The following NXPH1 variants were observed in gnomAD, a reference collection of about 807,000 sequenced individuals.
The protein encoded by NXPH1 is neurexophilin-1.
Under a neutral mutation model 23.7 loss-of-function variants are expected in NXPH1, and 5 were observed. That is an observed-to-expected ratio of 0.21 (90% confidence interval 0.11 to 0.44). The LOEUF (loss-of-function observed/expected upper bound fraction) is 0.44. Ranked by LOEUF, NXPH1 falls within the 20% of genes least tolerant of loss-of-function variation. The pLI is 0.99. For synonymous variants in NXPH1, 144 were observed against 122.2 expected (o/e 1.18, Z -1.18); for missense variants, 324 against 321.6 (o/e 1.01, Z -0.06).
intron 2 of NXPH1, among the ~76,000 whole-genome samples, chr7:8,630,448 G>A (rs1820103364): frequency 6.6e-6 from 1 of 152,180 alleles, no homozygotes; most frequent in South Asian, 2.1e-4. Context: ...TCCCACCAGT[G>A]CTCCCCATGC....
chr7:8,710,678 C>T (rs1277579511), intron 2 of NXPH1, among the ~76,000 whole-genome samples: 1 of 71,170 alleles, frequency 1.4e-5, no homozygotes, highest in African/African-American at 9.1e-5. Context: ...TTTTTTGAGA[C>T]GGAGTCTCGC....
Position 8,507,427 on chromosome 7 carries a change from C to A in NXPH1, c.54+71660C>A, listed in dbSNP as rs1010004376. On this transcript the variant is annotated intron_variant, in intron 2 of 2. Transcript: ENST00000405863. ...GTCATTGAAGCATCCTAGTGAACAT[C>A]TTAAGCTGTAATGAGCTATACTATT... Among the ~76,000 whole-genome samples, 11 of 151,904 alleles carry A rather than the reference C, an allele frequency of 7.2e-5. No individual in the cohort carries two copies. The East Asian group carries it at 2.1e-3, about 29-fold the overall frequency.
intron 2 of NXPH1, among the ~76,000 whole-genome samples, chr7:8,498,327 G>C (rs913900010): frequency 6.6e-6 from 1 of 152,076 alleles, no homozygotes; most frequent in African/African-American, 2.4e-5. Flanking sequence ...GGTAAAATCA[G>C]TGCTGAATGC....
chr7:8,635,990 C>A lies in NXPH1; in HGVS notation c.55-115018C>A, dbSNP rs148937985. On this transcript the variant is annotated intron_variant, in intron 2 of 2. Coordinates refer to ENST00000405863, the MANE Select transcript of NXPH1 (RefSeq NM_152745.3). ...CTTAAAGGTAATGTCTTTCACTACA[C>A]CCACTGAAGGTCACTTTATCTATCC... Among the ~76,000 whole-genome samples, 19 of 152,284 alleles carry A rather than the reference C, an allele frequency of 1.2e-4. No homozygotes were observed. In the East Asian group the frequency reaches 3.7e-3, roughly 29 times the overall value.
At chr7:8,540,059 C>G (rs928530784) in intron 2 of NXPH1, among the ~76,000 whole-genome samples, 16 of 151,778 alleles carry the variant, frequency 1.1e-4, no homozygotes, top group African/African-American at 3.9e-4. Context: ...ATATGAAATT[C>G]TATTACACGC....
At chr7:8,496,669 T>G (rs1197813954) in intron 2 of NXPH1, among the ~76,000 whole-genome samples, 1 of 152,062 alleles carries the variant, frequency 6.6e-6, no homozygotes, top group African/African-American at 2.4e-5. Context: ...ATCCCAGAAC[T>G]CAGGGAGAGG....
intron 2 of NXPH1, among the ~76,000 whole-genome samples, chr7:8,578,669 C>T (rs192918150): frequency 2.6e-5 from 4 of 152,216 alleles, no homozygotes; most frequent in East Asian, 1.9e-4. Flanking sequence ...GAAATAAAGA[C>T]GGACAAAGTC....
At chr7:8,464,519 C>T (rs770060779) in intron 2 of NXPH1, among the ~76,000 whole-genome samples, 1 of 152,090 alleles carries the variant, frequency 6.6e-6, no homozygotes, top group Non-Finnish European at 1.5e-5. Context: ...TTTAACCATC[C>T]TAATCAATCT....
intron 2 of NXPH1, among the ~76,000 whole-genome samples, chr7:8,708,538 T>A (rs1779738354): frequency 6.6e-6 from 1 of 151,982 alleles, no homozygotes; most frequent in South Asian, 2.1e-4. Flanking sequence ...TTTTTTGTAT[T>A]TTTAGTAGAG....
chr7:8,664,385 C>T (rs1820728157), intron 2 of NXPH1, among the ~76,000 whole-genome samples: 1 of 152,064 alleles, frequency 6.6e-6, no homozygotes, highest in South Asian at 2.1e-4. Context: ...ACTACCTAAC[C>T]TCTTACAGTT....
At chr7:8,494,738 T>G (rs1321952297) in intron 2 of NXPH1, among the ~76,000 whole-genome samples, 1 of 152,106 alleles carries the variant, frequency 6.6e-6, no homozygotes, top group African/African-American at 2.4e-5. Flanking sequence ...ACTGCATTAA[T>G]TGTTCTTATT....
At chr7:8,478,846 A>C (rs1256026021) in intron 2 of NXPH1, among the ~76,000 whole-genome samples, 1 of 151,124 alleles carries the variant, frequency 6.6e-6, no homozygotes, top group African/African-American at 2.5e-5. Context: ...TAACATACTT[A>C]AGAAATTCAA....
intron 2 of NXPH1, among the ~76,000 whole-genome samples, chr7:8,548,573 C>T (rs1166623965): frequency 6.6e-6 from 1 of 151,414 alleles, no homozygotes; most frequent in African/African-American, 2.4e-5. Context: ...GCGAGACTGC[C>T]TAATGTGCCA....
At chr7:8,583,380 C>G (rs1216255932) in intron 2 of NXPH1, among the ~76,000 whole-genome samples, 1 of 152,190 alleles carries the variant, frequency 6.6e-6, no homozygotes, top group African/African-American at 2.4e-5. Context: ...CATGGCCTCT[C>G]TATGCCTCAG....
chr7:8,509,925 G>T (rs1169900107), intron 2 of NXPH1, among the ~76,000 whole-genome samples: 1 of 152,108 alleles, frequency 6.6e-6, no homozygotes, highest in Non-Finnish European at 1.5e-5. Flanking sequence ...CTTAATGACA[G>T]CTCTTTTAAA....
chr7:8,594,022 C>T (rs1350611377), intron 2 of NXPH1, among the ~76,000 whole-genome samples: 1 of 151,928 alleles, frequency 6.6e-6, no homozygotes, highest in Non-Finnish European at 1.5e-5. Flanking sequence ...GGTATGATAG[C>T]AACAAATTTT....
At chr7:8,571,209 C>T (rs1235705512) in intron 2 of NXPH1, among the ~76,000 whole-genome samples, 1 of 151,688 alleles carries the variant, frequency 6.6e-6, no homozygotes, top group Admixed American at 6.6e-5. Context: ...TTGACAATGT[C>T]ATAGGAGAGT....
intron 2 of NXPH1, among the ~76,000 whole-genome samples, chr7:8,499,680 G>A (rs1817398578): frequency 6.6e-6 from 1 of 152,072 alleles, no homozygotes; most frequent in Admixed American, 6.6e-5. Flanking sequence ...AACTCACCAA[G>A]TCAGAACAAC....
At chr7:8,567,051 A>G (rs1818560140) in intron 2 of NXPH1, among the ~76,000 whole-genome samples, 1 of 151,806 alleles carries the variant, frequency 6.6e-6, no homozygotes, top group African/African-American at 2.4e-5. Context: ...TCACACATAC[A>G]CATCTGTGAT....
Sources: allele counts gnomAD v4.1 joint callset (sites outside exome capture counted in the v4.1 genomes callset), GRCh38; gene constraint gnomAD v4.1.1; transcripts MANE v1.5; gene names NCBI Gene and HGNC (gene_info 2026-07-23, HGNC 2026-07-21).